The following TNKS1BP1 variants were observed in gnomAD, a reference collection of about 807,000 sequenced individuals.
The protein encoded by TNKS1BP1 is 182 kDa tankyrase-1-binding protein.
In TNKS1BP1, 48 loss-of-function variants were observed where a neutral mutation model predicts 141.1. The observed-to-expected ratio is 0.34, with a 90% confidence interval of 0.27 to 0.43. The LOEUF (loss-of-function observed/expected upper bound fraction) is 0.43, where lower values mean the gene tolerates loss of function less well. TNKS1BP1 is among the 20% of genes least tolerant of loss of function. TNKS1BP1 has a pLI of 1.00. For missense variants in TNKS1BP1, 2,149 were observed against 2,226.0 expected (o/e 0.97, Z 0.70); for synonymous variants, 875 against 898.2 (o/e 0.97, Z 0.46).
At position 57,300,588 on chromosome 11, in the gene TNKS1BP1, C is replaced by T. The variant is rs200062048; in HGVS notation, c.5142G>A (p.Ser1714=). The change falls in exon 11 of 12, where the codon TCG becomes TCA. Residue 1714 remains serine, a synonymous_variant. Coordinates refer to ENST00000358252, the MANE Select transcript of TNKS1BP1 (RefSeq NM_033396.3). ...KPEKSSGSEG[S]SPNWLQALKL... is the part of the protein sequence containing the mutation. ...TCAGGGCTTGAAGCCAGTTGGGCGA[C>T]GATCCTTCTGACCTAGGAGGCAGAC... 3.2e-5 allele frequency: 52 copies of T among 1,614,072 alleles called. No individual in the cohort carries two copies. The highest frequency in any genetic ancestry group is 6.7e-5 in the East Asian group (3 of 44,886).
Position 57,309,214 on chromosome 11 carries a change from C to G in TNKS1BP1, c.3497G>C (p.Gly1166Ala), listed in dbSNP as rs762993670. The change falls in exon 6 of 12, where the codon GGT (glycine) becomes GCT (alanine). Residue 1166 changes from glycine to alanine, a missense_variant. Transcript: ENST00000358252. This position sits in a 1 kb window ranked among gnomAD's most constrained non-coding sequence, Gnocchi z 4.3. ...AGSVDWTDQL[G>A]LRNLEVSSCV... ...GCTGGACACTTCCAAGTTCCTGAGA[C>G]CCAGCTGGTCAGTCCAGTCCACCGA... 6.2e-7 allele frequency: 1 copy of G among 1,614,194 alleles called. No homozygotes were observed. Among genetic ancestry groups the G allele is most frequent in the East Asian group, 2.2e-5 (1 of 44,882 alleles).
In TNKS1BP1 at chr11:57,308,469, G is replaced by A; in HGVS notation, c.4242C>T (p.Tyr1414=). 7 of 1,614,170 alleles carry A rather than the reference G, an allele frequency of 4.3e-6. No individual in the cohort carries two copies. The highest frequency in any genetic ancestry group is 5.9e-6 in the Non-Finnish European group (7 of 1,180,028). The part of the protein sequence containing the change: ...TSGPETQGED[Y]SSSSLEPHPA... ...GGTGTGGCTCCAAGGAAGACGAGGA[G>A]TAATCTTCACCCTGGGTCTCTGGCC... is the stretch of plus-strand genomic sequence containing the variant. The change falls in exon 6 of 12, where the codon TAC becomes TAT. Residue 1414 remains tyrosine (Y), a synonymous_variant. Coordinates refer to ENST00000358252, the MANE Select transcript of TNKS1BP1 (RefSeq NM_033396.3).
At position 57,300,998 on chromosome 11, in the gene TNKS1BP1, A is replaced by C; in HGVS notation, c.5015T>G (p.Leu1672Arg). ...CTTCTGGCTCGACTTGCTCTCAGCCAGCTCTCCCTCCTCAGCTGAGCGATT... is the reference window on the plus strand; with the variant it reads ...CTTCTGGCTCGACTTGCTCTCAGCCCGCTCTCCCTCCTCAGCTGAGCGATT... Reference protein sequence around the residue: ...PRNRSAEEGELAESKSSQKES... With the variant: ...PRNRSAEEGERAESKSSQKES... Residue 1672 changes from leucine to arginine, a missense_variant, in exon 10 of 12, where the codon CTG becomes CGG. By Grantham distance (102) the Leu-to-Arg change is moderately radical (BLOSUM62 -2). Coordinates refer to ENST00000358252, the MANE Select transcript of TNKS1BP1 (RefSeq NM_033396.3). 1 of 1,613,898 alleles carries C rather than the reference A, an allele frequency of 6.2e-7. No individual in the cohort carries two copies. The highest frequency in any genetic ancestry group is 8.5e-7 in the Non-Finnish European group (1 of 1,179,974).
chr11:57,319,250 A>AC (rs977313784), intron 3 of TNKS1BP1, among the ~76,000 whole-genome samples: 1 of 150,912 alleles, frequency 6.6e-6, no homozygotes, highest in Non-Finnish European at 1.5e-5. Flanking sequence ...ACGCAGCCCC[A>AC]CCCCAGGACT....
At chr11:57,311,521 G>A in intron 5 of TNKS1BP1, 1 of 971,486 alleles carries the variant, frequency 1.0e-6, no homozygotes, top group Non-Finnish European at 1.2e-6. Flanking sequence ...TGCAGCTTGG[G>A]CAGCCCCGCC....
Position 57,309,666 on chromosome 11 carries a change from A to G in TNKS1BP1, c.3045T>C (p.Asp1015=). The part of the protein sequence containing the change: ...VEDSLGEGSR[D]AGRPGERGSG... ...ATCCTCTCTCTCCTGGCCGGCCAGC[A>G]TCCCTGCTGCCCTCTCCAAGGCTGT... is the stretch of plus-strand genomic sequence containing the variant. Residue 1015 remains aspartate, a synonymous_variant, in exon 6 of 12, where the codon GAT becomes GAC. Transcript: ENST00000358252. This position sits in a 1 kb window ranked among gnomAD's most constrained non-coding sequence, Gnocchi z 4.3. 3 of 1,614,132 alleles carry G rather than the reference A, an allele frequency of 1.9e-6. No individual in the cohort carries two copies. The South Asian group carries it at 3.3e-5, about 18-fold the overall frequency.
intron 3 of TNKS1BP1, among the ~76,000 whole-genome samples, chr11:57,319,388 T>A (rs1443972104): frequency 6.6e-6 from 1 of 152,106 alleles, no homozygotes; most frequent in Non-Finnish European, 1.5e-5. Context: ...AGTTTCCTCA[T>A]CTCTACAATG....
rs143642018 is a variant in TNKS1BP1, at chr11:57,315,758, C to CCACA, written c.799-1873_799-1870dup. 5.3e-5 allele frequency among the ~76,000 whole-genome samples: 8 copies of CCACA among 150,938 alleles called. No homozygotes were observed. In the East Asian group the frequency reaches 1.2e-3, roughly 22 times the overall value. On this transcript the variant is annotated intron_variant, in intron 4 of 11. Coordinates refer to ENST00000358252, the MANE Select transcript of TNKS1BP1 (RefSeq NM_033396.3). ...AGAACCCCCGACAACCCCCCCACCG[C>CCACA]CACACACACACACACCACCTACTTC...
chr11:57,316,846 T>C (rs1855806530), intron 4 of TNKS1BP1, among the ~76,000 whole-genome samples: 2 of 152,200 alleles, frequency 1.3e-5, no homozygotes. Flanking sequence ...CAGCATCCCA[T>C]GCCTCTCCTG....
In TNKS1BP1 at chr11:57,308,353, A is replaced by G. The variant is rs73472513; in HGVS notation, c.4316+42T>C. 1.7e-3 allele frequency: 2,670 copies of G among 1,570,284 alleles called. 37 individuals carry two copies. The African/African-American group carries it at 0.029, about 17-fold the overall frequency. On this transcript the variant is annotated intron_variant, in intron 6 of 11. Coordinates refer to ENST00000358252, the MANE Select transcript of TNKS1BP1 (RefSeq NM_033396.3). The stretch of plus-strand genomic sequence containing the variant: ...GGTTCCGATTTCTTGGACAGCCTTC[A>G]CATGTTCCCTCCCACACTTGGGATG...
chr11:57,317,925 G>A lies in TNKS1BP1; in HGVS notation c.729-38C>T, dbSNP rs192396096. On this transcript the variant is annotated intron_variant, in intron 3 of 11. Transcript: ENST00000358252. ...AGGACAGGAAATGGAAGCACGGAATGTTAGAGTCTGTCACAGAATGGAAAA... is the reference window on the plus strand; with the variant it reads ...AGGACAGGAAATGGAAGCACGGAATATTAGAGTCTGTCACAGAATGGAAAA... 4.4e-3 allele frequency: 6,930 copies of A among 1,592,516 alleles called. 38 individuals are homozygous for A. Among genetic ancestry groups the A allele is most frequent in the Middle Eastern group, 9.2e-3 (51 of 5,564 alleles).
At chr11:57,324,306 G>A (rs571206569) in intron 1 of TNKS1BP1, among the ~76,000 whole-genome samples, 10 of 152,358 alleles carry the variant, frequency 6.6e-5, no homozygotes, top group Admixed American at 4.6e-4. Flanking sequence ...GAGGGGCCCA[G>A]TGGGGAGCTC....
Position 57,309,633 on chromosome 11 carries a change from G to T in TNKS1BP1, c.3078C>A (p.Gly1026=). 1 of 1,614,080 alleles carries T rather than the reference G, an allele frequency of 6.2e-7. No individual in the cohort carries two copies. Among genetic ancestry groups the T allele is most frequent in the South Asian group, 1.1e-5 (1 of 91,088 alleles). The change falls in exon 6 of 12, where the codon GGC becomes GGA. Residue 1026 remains glycine, a synonymous_variant. Transcript: ENST00000358252. The surrounding 1 kb of genome is among the most constrained non-coding windows in gnomAD (Gnocchi z 4.3). ...AGRPGERGSG[G]LFSPSTAHVP... ...CGTGGGCAGTGCTAGGACTGAACAA[G>T]CCCCCGGATCCTCTCTCTCCTGGCC...
intron 10 of TNKS1BP1, 51 bp from the exon 11 acceptor site, chr11:57,300,651 CACA>C (rs1313347825): frequency 3.7e-6 from 6 of 1,610,502 alleles, no homozygotes; most frequent in African/African-American, 1.3e-5. Context: ...GGAAACTGAA[CACA>C]ACAAGGAGAC....
chr11:57,313,931 A>C, intron 4 of TNKS1BP1, 42 bp from the exon 5 acceptor site: 2 of 1,448,396 alleles, frequency 1.4e-6, no homozygotes, highest in African/African-American at 2.9e-5. Context: ...CTCACCTCTC[A>C]GCGGGGCGGG....
chr11:57,315,470 C>T (rs889151971), intron 4 of TNKS1BP1, among the ~76,000 whole-genome samples: 1 of 152,100 alleles, frequency 6.6e-6, no homozygotes, highest in Non-Finnish European at 1.5e-5. Context: ...CTGGGCCAAT[C>T]CTAGCCCAGC....
At position 57,302,016 on chromosome 11, in the gene TNKS1BP1, A is replaced by G; in HGVS notation, c.4834+58T>C. 8 of 1,604,424 alleles carry G rather than the reference A, an allele frequency of 5.0e-6. No individual in the cohort carries two copies. Among genetic ancestry groups the G allele is most frequent in the Non-Finnish European group, 6.8e-6 (8 of 1,172,214 alleles). On this transcript the variant is annotated intron_variant, in intron 8 of 11. Coordinates refer to ENST00000358252, the MANE Select transcript of TNKS1BP1 (RefSeq NM_033396.3). This position sits in a 1 kb window ranked among gnomAD's most constrained non-coding sequence, Gnocchi z 5.5. ...TCCCCGAACCCATAACCCCTGCAAA[A>G]GCTTGGCCTAATGCCCTAGAGATCA...
rs201136016 is a variant in TNKS1BP1 at position 57,310,408 on chromosome 11, C to T, written c.2303G>A (p.Gly768Asp). Residue 768 changes from glycine (G) to aspartate (D), a missense_variant, in exon 6 of 12, where the codon GGT becomes GAT. By Grantham distance (94) the Gly-to-Asp change is moderately conservative. Coordinates refer to ENST00000358252, the MANE Select transcript of TNKS1BP1 (RefSeq NM_033396.3). ...LGGASPRGDP[G>D]LGERDWTSKY... ...GCTGGTCCAGTCCCTCTCTCCGAGA[C>T]CTGGGTCTCCTCTAGGGCTTGCACC... The T allele has an allele frequency of 5.6e-6, 9 of 1,614,046 alleles. No homozygotes were observed. Among genetic ancestry groups the T allele is most frequent in the Middle Eastern group, 1.6e-4 (1 of 6,062 alleles).
rs774317083 is a variant in TNKS1BP1, at chr11:57,312,604, C to A, written c.2084G>T (p.Ser695Ile). Reference protein sequence around the residue: ...LDDLLASPPPSGGGARRGAGA... With the variant: ...LDDLLASPPPIGGGARRGAGA... ...AGCTCCCCGCCTTGCACCGCCACCACTGGGTGGTGGTGAAGCCAGGAGGTC... is the reference window on the plus strand; with the variant it reads ...AGCTCCCCGCCTTGCACCGCCACCAATGGGTGGTGGTGAAGCCAGGAGGTC... The change falls in exon 5 of 12, where the codon AGT (serine) becomes ATT (isoleucine). Residue 695 changes from serine (S) to isoleucine (I), a missense_variant. Ser to Ile is a moderately radical substitution (Grantham distance 142, BLOSUM62 -2). Coordinates refer to ENST00000358252, the MANE Select transcript of TNKS1BP1 (RefSeq NM_033396.3). 1 of 1,547,424 alleles carries A rather than the reference C, an allele frequency of 6.5e-7. No homozygotes were observed. Among genetic ancestry groups the A allele is most frequent in the East Asian group, 2.3e-5 (1 of 44,308 alleles).
Sources: allele counts gnomAD v4.1 joint callset (sites outside exome capture counted in the v4.1 genomes callset), GRCh38; gene constraint gnomAD v4.1.1; non-coding constraint Gnocchi (gnomAD v3.1); transcripts MANE v1.5; gene names NCBI Gene and HGNC (gene_info 2026-07-23, HGNC 2026-07-21).